Variants in SAMD3 observed in about 807,000 individuals in gnomAD.
SAMD3 encodes the protein sterile alpha motif domain containing 3.
A neutral mutation model predicts 58.5 loss-of-function variants in SAMD3; 63 were observed. That is an observed-to-expected ratio of 1.08 (90% CI 0.88 to 1.33). SAMD3 has a LOEUF of 1.33. Ranked by LOEUF, SAMD3 falls within the 40% of genes most tolerant of loss-of-function variation. The pLI is 0.00. For synonymous variants in SAMD3, 220 were observed against 210.3 expected, an observed-to-expected ratio of 1.05 and a Z score of -0.40; for missense variants, 604 against 608.4, an observed-to-expected ratio of 0.99 and a Z score of 0.08.
intron 2 of SAMD3, among the ~76,000 whole-genome samples, chr6:130,243,021 A>C (rs1562477036): frequency 1.3e-5 from 2 of 152,164 alleles, no homozygotes; most frequent in Non-Finnish European, 2.9e-5. Context: ...CACTAGCCTG[A>C]GTATAGTTTC....
intron 2 of SAMD3, among the ~76,000 whole-genome samples, chr6:130,261,935 C>CAGAGAGAGACAG (rs552530647): frequency 9.3e-5 from 14 of 150,812 alleles, no homozygotes; most frequent in African/African-American, 3.2e-4. Flanking sequence ...ATAAGCCAGG[C>CAGAGAGAGACAG]AGAGAGAGAC....
intron 2 of SAMD3, among the ~76,000 whole-genome samples, chr6:130,255,975 T>A (rs1252128943): frequency 6.6e-6 from 1 of 152,048 alleles, no homozygotes; most frequent in Non-Finnish European, 1.5e-5. Context: ...TTAATTGTTT[T>A]CTGGTTGTTT....
chr6:130,308,555 A>C (rs9492532), intron 2 of SAMD3, among the ~76,000 whole-genome samples: 21,050 of 151,622 alleles, frequency 0.14, 4,106 homozygotes, highest in African/African-American at 0.44. Flanking sequence ...AACACATTGG[A>C]CCTTGTAAAA....
Position 130,206,807 on chromosome 6 carries a change from C to T in SAMD3, c.383+2688G>A, listed in dbSNP as rs138458471. On this transcript the variant is annotated intron_variant, in intron 5 of 11. Transcript: ENST00000439090. ...TTTTTCTCCTCCCCCTTGCCAGCTGCTATGAAGAATGTGAGATGCCATTAA... is the reference window on the plus strand; with the variant it reads ...TTTTTCTCCTCCCCCTTGCCAGCTGTTATGAAGAATGTGAGATGCCATTAA... Among the ~76,000 whole-genome samples the T allele has an allele frequency of 3.6e-3, 554 of 152,192 alleles. 4 individuals are homozygous for T. The highest frequency in any genetic ancestry group is 0.027 in the Middle Eastern group (8 of 294).
rs774850450 is a variant in SAMD3 at position 130,144,709 on chromosome 6, C to T, written c.1374G>A (p.Lys458=). ...SLYLERERLT[K]VDDCVTALAA... ...CCAAGGCTGTAACACAGTCGTCCACCTTTGTGAGCCTCTCCCTTTCTAAAT... is the reference window on the plus strand; with the variant it reads ...CCAAGGCTGTAACACAGTCGTCCACTTTTGTGAGCCTCTCCCTTTCTAAAT... The change falls in exon 12 of 12, where the codon AAG becomes AAA. Residue 458 remains lysine, a synonymous_variant. Transcript: ENST00000439090. The T allele has an allele frequency of 1.9e-6, 3 of 1,614,014 alleles. No individual in the cohort carries two copies. The highest frequency in any genetic ancestry group is 1.1e-5 in the South Asian group (1 of 91,086).
At chr6:130,255,256 A>G (rs997073623) in intron 2 of SAMD3, among the ~76,000 whole-genome samples, 2 of 152,252 alleles carry the variant, frequency 1.3e-5, no homozygotes, top group African/African-American at 4.8e-5. Flanking sequence ...TGTGCTTAAA[A>G]AGAACCCATA....
intron 7 of SAMD3, chr6:130,183,280 T>G (rs1407514373): frequency 2.4e-6 from 1 of 418,478 alleles, no homozygotes; most frequent in South Asian, 1.7e-5. Flanking sequence ...GAGGTTGCAG[T>G]GAGCTGAGAT....
At chr6:130,181,222 T>C (rs12208842) in intron 7 of SAMD3, among the ~76,000 whole-genome samples, 36,235 of 152,060 alleles carry the variant, frequency 0.24, 5,209 homozygotes, top group East Asian at 0.48. Flanking sequence ...GCTGGGATTA[T>C]AGGCATGAGC....
At chr6:130,248,914 T>C (rs916422106) in intron 2 of SAMD3, among the ~76,000 whole-genome samples, 1 of 152,226 alleles carries the variant, frequency 6.6e-6, no homozygotes, top group Admixed American at 6.5e-5. Flanking sequence ...GATGTAAAAC[T>C]TGATTAAAAC....
At chr6:130,266,435 A>C (rs1774360024) in intron 2 of SAMD3, among the ~76,000 whole-genome samples, 1 of 152,148 alleles carries the variant, frequency 6.6e-6, no homozygotes, top group African/African-American at 2.4e-5. Context: ...GTAGGTCCTA[A>C]AAGCCTCAAT....
At chr6:130,362,924 T>G (rs2115048898) in intron 1 of SAMD3, among the ~76,000 whole-genome samples, 1 of 152,304 alleles carries the variant, frequency 6.6e-6, no homozygotes, top group East Asian at 1.9e-4. Context: ...AAAATCACGG[T>G]GAAATAAAAA....
chr6:130,172,629 G>T (rs1031565140), intron 8 of SAMD3, among the ~76,000 whole-genome samples: 3 of 152,136 alleles, frequency 2.0e-5, no homozygotes, highest in African/African-American at 7.2e-5. Flanking sequence ...CTCTCTGGCT[G>T]CCCTTAACAT....
chr6:130,236,542 C>A (rs780657676), intron 2 of SAMD3, among the ~76,000 whole-genome samples: 1 of 152,122 alleles, frequency 6.6e-6, no homozygotes, highest in Non-Finnish European at 1.5e-5. Context: ...CACCACCGCA[C>A]CCGGCTAATT....
chr6:130,190,126 G>A (rs1169565386), intron 5 of SAMD3, among the ~76,000 whole-genome samples: 1 of 131,272 alleles, frequency 7.6e-6, no homozygotes, highest in Non-Finnish European at 1.7e-5. Context: ...CTACACATGT[G>A]CATAACTGGA....
At chr6:130,185,436 C>G (rs1792844563) in intron 5 of SAMD3, among the ~76,000 whole-genome samples, 1 of 152,026 alleles carries the variant, frequency 6.6e-6, no homozygotes, top group Non-Finnish European at 1.5e-5. Context: ...TCAAGTGACT[C>G]CCCTGCCTCA....
chr6:130,213,685 T>C (rs1203807240), intron 4 of SAMD3, among the ~76,000 whole-genome samples: 1 of 152,168 alleles, frequency 6.6e-6, no homozygotes, highest in Non-Finnish European at 1.5e-5. Context: ...AATCCTGTTA[T>C]CATTTCTTTT....
chr6:130,215,637 A>G (rs1385758174), intron 2 of SAMD3: 2 of 1,388,482 alleles, frequency 1.4e-6, no homozygotes, highest in Admixed American at 6.0e-5. Flanking sequence ...AGGTTTCTTC[A>G]CAAAGAAAAG....
downstream of SAMD3, chr6:130,144,273 T>TAA: frequency 2.1e-6 from 1 of 479,316 alleles, no homozygotes; most frequent in Non-Finnish European, 3.6e-6. Flanking sequence ...AAATATAACT[T>TAA]AACTGCGGAA....
At position 130,323,802 on chromosome 6, in the gene SAMD3, CAAAAAAAA is replaced by C. The variant is rs766078214; in HGVS notation, c.-303-10717_-303-10710del. On this transcript the variant is annotated intron_variant, in intron 1 of 13. Transcript: ENST00000368134. ...TGGGTCACAGAGGTAGACTCTGTCT[CAAAAAAAA>C]AAAAAAAAAAAAAAAGAATTTCCCA... 3.7e-4 allele frequency among the ~76,000 whole-genome samples: 20 copies of C among 53,546 alleles called. No individual in the cohort carries two copies. The East Asian group carries it at 0.012, about 32-fold the overall frequency. 35.1% of individuals were successfully genotyped at this position (53,546 alleles called of 152,430 possible).
Sources: allele counts gnomAD v4.1 joint callset (sites outside exome capture counted in the v4.1 genomes callset), GRCh38; gene constraint gnomAD v4.1.1; transcripts MANE v1.5; gene names NCBI Gene and HGNC (gene_info 2026-07-23, HGNC 2026-07-21).